Variants in CNTNAP4 observed in about 807,000 individuals in gnomAD.
The protein encoded by CNTNAP4 is contactin-associated protein-like 4.
Under a neutral mutation model 148.4 loss-of-function variants are expected in CNTNAP4, and 98 were observed. The observed-to-expected ratio is 0.66, with a 90% confidence interval of 0.56 to 0.78. CNTNAP4 has a LOEUF of 0.78. Among genes scored for constraint, CNTNAP4 ranks in the 30% least tolerant of loss-of-function variants. The pLI is 0.00. For missense variants in CNTNAP4, 1,935 were observed against 1,565.6 expected (o/e 1.24, Z -3.98); for synonymous variants, 730 against 565.1 (o/e 1.29, Z -4.14).
intron 13 of CNTNAP4, among the ~76,000 whole-genome samples, chr16:76,490,468 C>T (rs1001580945): frequency 2.0e-5 from 3 of 152,072 alleles, no homozygotes; most frequent in African/African-American, 4.8e-5. Flanking sequence ...TTCTTTAGGG[C>T]ATCTCATTAT....
chr16:76,484,432 G>A (rs1295196652), intron 12 of CNTNAP4, among the ~76,000 whole-genome samples: 2 of 152,168 alleles, frequency 1.3e-5, no homozygotes, highest in Non-Finnish European at 2.9e-5. Context: ...GATACCCAGA[G>A]ACAGCTAAAT....
At chr16:76,525,869 A>T (rs1162687522) in intron 17 of CNTNAP4, among the ~76,000 whole-genome samples, 1 of 148,470 alleles carries the variant, frequency 6.7e-6, no homozygotes, top group Non-Finnish European at 1.5e-5. Context: ...CTATATATAA[A>T]CTATGTAACT....
chr16:76,352,910 T>C (rs2012017416), intron 2 of CNTNAP4, among the ~76,000 whole-genome samples: 1 of 152,106 alleles, frequency 6.6e-6, no homozygotes, highest in Non-Finnish European at 1.5e-5. Context: ...GGAAGTACCC[T>C]TCACGGACAG....
chr16:76,281,688 A>G (rs1421025105), intron 1 of CNTNAP4, among the ~76,000 whole-genome samples: 1 of 152,052 alleles, frequency 6.6e-6, no homozygotes, highest in Admixed American at 6.6e-5. Flanking sequence ...CTATCATAAG[A>G]TAATAAAATA....
At chr16:76,319,130 C>T (rs895793221) in intron 2 of CNTNAP4, among the ~76,000 whole-genome samples, 3 of 152,130 alleles carry the variant, frequency 2.0e-5, no homozygotes, top group African/African-American at 7.2e-5. Context: ...TGGCTCACAC[C>T]TGTAATCCTA....
At chr16:76,443,925 T>C (rs2080139353) in intron 4 of CNTNAP4, among the ~76,000 whole-genome samples, 1 of 152,214 alleles carries the variant, frequency 6.6e-6, no homozygotes, top group South Asian at 2.1e-4. Flanking sequence ...TTCTTGGTCA[T>C]TGATGTGAAA....
chr16:76,529,043 C>T (rs536762446), intron 17 of CNTNAP4, among the ~76,000 whole-genome samples: 9 of 152,170 alleles, frequency 5.9e-5, no homozygotes, highest in Non-Finnish European at 1.0e-4. Flanking sequence ...TTAACATCAG[C>T]GTAATGTGAT....
chr16:76,545,644 G>T (rs2084685960), intron 21 of CNTNAP4, among the ~76,000 whole-genome samples: 2 of 152,024 alleles, frequency 1.3e-5, no homozygotes, highest in African/African-American at 4.8e-5. Context: ...TATATTTTCA[G>T]GTGCCTCAAA....
chr16:76,531,422 A>G (rs916369269), intron 17 of CNTNAP4, among the ~76,000 whole-genome samples: 7 of 152,298 alleles, frequency 4.6e-5, no homozygotes, highest in African/African-American at 1.4e-4. Flanking sequence ...CAGGCCCTCA[A>G]TACCATTGCA....
intron 1 of CNTNAP4, among the ~76,000 whole-genome samples, chr16:76,312,616 C>T (rs911255302): frequency 6.6e-6 from 1 of 152,098 alleles, no homozygotes; most frequent in South Asian, 2.1e-4. Flanking sequence ...AGTACACACT[C>T]CTTGAGAGAA....
chr16:76,460,892 C>T (rs976209909), intron 8 of CNTNAP4, among the ~76,000 whole-genome samples: 1 of 148,902 alleles, frequency 6.7e-6, no homozygotes, highest in African/African-American at 2.5e-5. Flanking sequence ...GAATACTGAA[C>T]CTTTGCTCCT....
intron 21 of CNTNAP4, among the ~76,000 whole-genome samples, chr16:76,547,323 A>G (rs2084780060): frequency 6.6e-6 from 1 of 152,238 alleles, no homozygotes; most frequent in Non-Finnish European, 1.5e-5. Flanking sequence ...TTAAAGTTGT[A>G]TAAAACCTCT....
At chr16:76,442,374 CTA>C (rs2080078085) in intron 4 of CNTNAP4, among the ~76,000 whole-genome samples, 1 of 152,102 alleles carries the variant, frequency 6.6e-6, no homozygotes, top group Admixed American at 6.6e-5. Flanking sequence ...TATTAAGAGA[CTA>C]TGTTTGTGGT....
chr16:76,558,415 C>T (rs2085283625), intron 23 of CNTNAP4, 75 bp from the exon 24 acceptor site: 1 of 793,368 alleles, frequency 1.3e-6, no homozygotes, highest in African/African-American at 1.7e-5. Context: ...GTTATGATGA[C>T]TTATTAAGCA....
chr16:76,305,863 A>G (rs1597135603), intron 1 of CNTNAP4, among the ~76,000 whole-genome samples: 1 of 152,086 alleles, frequency 6.6e-6, no homozygotes, highest in African/African-American at 2.4e-5. Flanking sequence ...GTTTATGTCC[A>G]TGTGTGCTCA....
At chr16:76,550,901 C>T (rs1302943574) in intron 21 of CNTNAP4, among the ~76,000 whole-genome samples, 2 of 152,064 alleles carry the variant, frequency 1.3e-5, no homozygotes, top group African/African-American at 4.8e-5. Flanking sequence ...GTGATGCTCC[C>T]TCAGTGCTAT....
At chr16:76,424,381 A>T (rs1481755137) in intron 3 of CNTNAP4, among the ~76,000 whole-genome samples, 1 of 152,158 alleles carries the variant, frequency 6.6e-6, no homozygotes, top group East Asian at 1.9e-4. Flanking sequence ...GCACCTAGGA[A>T]ATAGAATCAA....
At chr16:76,489,949 G>C in intron 13 of CNTNAP4, 66 bp downstream of exon 13, 1 of 1,131,818 alleles carries the variant, frequency 8.8e-7, no homozygotes, top group Non-Finnish European at 1.2e-6. Flanking sequence ...ACTAGCTCCT[G>C]AGAATTTTAA....
chr16:76,544,458 C>A (rs1426113067), intron 21 of CNTNAP4, among the ~76,000 whole-genome samples: 2 of 152,096 alleles, frequency 1.3e-5, no homozygotes, highest in Non-Finnish European at 2.9e-5. Flanking sequence ...CAGTATCAAA[C>A]TGTACTCTGA....
Sources: gnomAD v4.1 joint callset for allele counts (sites outside exome capture counted in the v4.1 genomes callset) on GRCh38, gnomAD v4.1.1 for gene constraint, MANE v1.5 for transcripts, NCBI Gene and HGNC (gene_info 2026-07-23, HGNC 2026-07-21) for gene names.